Variants in PCDHA9 observed in about 807,000 individuals in gnomAD.
The protein encoded by PCDHA9 is protocadherin alpha 9.
Under a neutral mutation model 62.0 loss-of-function variants are expected in PCDHA9, and 62 were observed. The observed-to-expected ratio is 1.00, with a 90% CI of 0.81 to 1.23. The LOEUF is 1.23. PCDHA9 is among the 50% of genes most tolerant of loss of function. The pLI is 0.00. For missense variants in PCDHA9, 1,205 were observed against 1,249.8 expected, an observed-to-expected ratio of 0.96 and a Z score of 0.54; for synonymous variants, 557 against 567.6, an observed-to-expected ratio of 0.98 and a Z score of 0.27.
intron 1 of PCDHA9, chr5:140,883,895 C>T: frequency 6.2e-7 from 1 of 1,613,426 alleles, no homozygotes; most frequent in Non-Finnish European, 8.5e-7. Flanking sequence ...CTCTGGCGTG[C>T]CGCCTCTGGG....
chr5:140,926,981 C>T (rs1420415867), intron 1 of PCDHA9: 3 of 1,610,216 alleles, frequency 1.9e-6, no homozygotes, highest in Admixed American at 1.7e-5. Context: ...CCGGAGGAGA[C>T]GGAGCGGGGC....
chr5:140,879,123 G>C (rs895703047), intron 1 of PCDHA9, among the ~76,000 whole-genome samples: 18 of 152,310 alleles, frequency 1.2e-4, no homozygotes, highest in South Asian at 4.1e-4. Context: ...AAGGATTAGA[G>C]CAGGGGAGAT....
intron 1 of PCDHA9, among the ~76,000 whole-genome samples, chr5:140,873,862 T>A (rs188055479): frequency 4.1e-4 from 62 of 152,308 alleles, no homozygotes; most frequent in Admixed American, 1.1e-3. Context: ...GTTTTCACCA[T>A]GTTGGCCAGG....
intron 1 of PCDHA9, among the ~76,000 whole-genome samples, chr5:140,903,429 G>A (rs782504374): frequency 1.3e-5 from 2 of 152,180 alleles, no homozygotes; most frequent in Non-Finnish European, 2.9e-5. Context: ...AGCACAATAT[G>A]TATCAGTGGA....
At chr5:140,990,962 T>C (rs2097423975) in intron 3 of PCDHA9, among the ~76,000 whole-genome samples, 2 of 152,180 alleles carry the variant, frequency 1.3e-5, no homozygotes, top group Non-Finnish European at 2.9e-5. Context: ...AATAGTCTCT[T>C]AGAACAAGAG....
In PCDHA9 at chr5:140,851,227, T is replaced by C; in HGVS notation, c.2394+338T>C. On this transcript the variant is annotated intron_variant, in intron 1 of 3. Coordinates refer to ENST00000532602, the MANE Select transcript of PCDHA9 (RefSeq NM_031857.2). ...TCATTAAACATTAACATCACTATCA[T>C]TTATTTATTGCTAAATGATGCATAG... The C allele has an allele frequency of 4.4e-6, 5 of 1,142,852 alleles. 1 individual carries two copies. In the South Asian group the frequency reaches 1.4e-4, roughly 31 times the overall value. The allele number at this position is 1,142,852 out of a possible 1,614,324, so 70.8% of individuals were successfully genotyped here. A position where few individuals can be genotyped will look rare whatever the true frequency, so the allele number is the denominator to read the frequency against.
chr5:140,857,661 A>T, intron 1 of PCDHA9: 1 of 1,596,582 alleles, frequency 6.3e-7, no homozygotes, highest in Non-Finnish European at 8.6e-7. Context: ...AGCGCGCGCG[A>T]TGGGGGCGTG....
Position 140,857,636 on chromosome 5 carries a change from C to T in PCDHA9, c.2394+6747C>T, listed in dbSNP as rs370617893. The T allele has an allele frequency of 1.0e-4, 159 of 1,596,480 alleles. 20 individuals are homozygous for T. The highest frequency in any genetic ancestry group is 1.3e-4 in the Non-Finnish European group (153 of 1,167,700). Reference sequence around the variant, plus strand: ...GCTGGACCACGAGGAGCTGGAGCTGCTACAGTTCCAGGTGAGCGCGCGCGA... The same window carrying T: ...GCTGGACCACGAGGAGCTGGAGCTGTTACAGTTCCAGGTGAGCGCGCGCGA... On this transcript the variant is annotated intron_variant, in intron 1 of 3. Transcript: ENST00000532602.
Position 140,979,001 on chromosome 5 carries a change from T to C in PCDHA9, c.2447T>C (p.Met816Thr). ...WRYSASLRAG[M>T]HSSVHLEEAG... Reference sequence around the variant, plus strand: ...TACTCTGCCTCCCTGAGAGCAGGCATGCACAGGTATGTATTTCCCTCCTCA... The same window carrying C: ...TACTCTGCCTCCCTGAGAGCAGGCACGCACAGGTATGTATTTCCCTCCTCA... Residue 816 changes from methionine (M) to threonine (T), a missense_variant, in exon 2 of 4, where the codon ATG becomes ACG. By Grantham distance (81) the Met-to-Thr change is moderately conservative (BLOSUM62 -1). Transcript: ENST00000532602. 6.2e-7 allele frequency: 1 copy of C among 1,614,148 alleles called. No individual in the cohort carries two copies. Among genetic ancestry groups the C allele is most frequent in the Non-Finnish European group, 8.5e-7 (1 of 1,180,016 alleles).
chr5:140,947,580 A>G (rs1031254382), intron 1 of PCDHA9, among the ~76,000 whole-genome samples: 2 of 151,664 alleles, frequency 1.3e-5, no homozygotes, highest in Non-Finnish European at 3.0e-5. Context: ...TGTTTTTAAC[A>G]TTTAGATCAA....
chr5:140,946,405 T>C (rs1554217546), intron 1 of PCDHA9, among the ~76,000 whole-genome samples: 1 of 151,592 alleles, frequency 6.6e-6, no homozygotes, highest in South Asian at 2.1e-4. Context: ...AGTACAATCA[T>C]AGAAAACAAT....
At chr5:140,881,070 T>C (rs1461614506) in intron 1 of PCDHA9, among the ~76,000 whole-genome samples, 6 of 152,208 alleles carry the variant, frequency 3.9e-5, no homozygotes, top group Non-Finnish European at 8.8e-5. Flanking sequence ...CAGATAATTA[T>C]TGGAGCTATG....
chr5:140,852,533 C>G (rs2150517773), intron 1 of PCDHA9: 2 of 491,290 alleles, frequency 4.1e-6, no homozygotes, highest in East Asian at 2.9e-4. Context: ...ACCTCGGCCT[C>G]CCAAAGTGCT....
chr5:140,850,121 G>T lies in PCDHA9; in HGVS notation c.1626G>T (p.Val542=), dbSNP rs2150468757. The change falls in exon 1 of 4, where the codon GTG becomes GTT. Residue 542 remains valine, a synonymous_variant. Transcript: ENST00000532602. ...QFQVSARDAG[V]PPLGSNVTLQ... is the part of the protein sequence containing the mutation. ...AGGTGAGCGCGCGCGACGCGGGCGT[G>T]CCGCCTCTGGGCAGCAACGTGACGC... 6.3e-7 allele frequency: 1 copy of T among 1,595,960 alleles called. No individual in the cohort carries two copies. The highest frequency in any genetic ancestry group is 8.6e-7 in the Non-Finnish European group (1 of 1,167,852).
chr5:140,968,118 C>T (rs141928119), intron 1 of PCDHA9: 717 of 1,614,170 alleles, frequency 4.4e-4, no homozygotes, highest in Middle Eastern at 2.3e-3. Context: ...CAGCTCACAT[C>T]CCTGCGTACA....
At chr5:140,884,078 A>C (rs2059981897) in intron 1 of PCDHA9, 5 of 1,613,512 alleles carry the variant, frequency 3.1e-6, no homozygotes, top group Non-Finnish European at 4.2e-6. Flanking sequence ...TTCGGGCTAC[A>C]ATGCGTGGCT....
Position 140,877,150 on chromosome 5 carries a change from G to C in PCDHA9, c.2394+26261G>C, listed in dbSNP as rs370292278. On this transcript the variant is annotated intron_variant, in intron 1 of 3. Transcript: ENST00000532602. ...GCAGGTGTTCGTGCTGGACGAGAAC[G>C]ACAACGCGCCGGCACTGCTGGCGAC... 1 of 1,613,790 alleles carries C rather than the reference G, an allele frequency of 6.2e-7. No individual in the cohort carries two copies. The highest frequency in any genetic ancestry group is 2.2e-5 in the East Asian group (1 of 44,870).
At chr5:140,926,749 G>C (rs541261946) in intron 1 of PCDHA9, 4 of 1,237,260 alleles carry the variant, frequency 3.2e-6, no homozygotes, top group Non-Finnish European at 3.1e-6. Context: ...CAACGTCGGC[G>C]GTCGCTGAGT....
chr5:140,957,104 C>T (rs2095333785), intron 1 of PCDHA9, among the ~76,000 whole-genome samples: 1 of 152,104 alleles, frequency 6.6e-6, no homozygotes, highest in Non-Finnish European at 1.5e-5. Context: ...TTGCTATGGA[C>T]ATGATTCTGT....
Sources: allele counts gnomAD v4.1 joint callset (sites outside exome capture counted in the v4.1 genomes callset), GRCh38; gene constraint gnomAD v4.1.1; transcripts MANE v1.5; gene names NCBI Gene and HGNC (gene_info 2026-07-23, HGNC 2026-07-21).